Variants in CUX1 observed in about 807,000 individuals in gnomAD.
CUX1 encodes the protein protein CASP.
CUX1 carries 31 observed loss-of-function variants against 158.8 expected under a neutral mutation model. The observed-to-expected ratio is 0.20, with a 90% CI of 0.15 to 0.26. The LOEUF (loss-of-function observed/expected upper bound fraction) is 0.26, where lower values mean the gene tolerates loss of function less well. Ranked by LOEUF, CUX1 falls within the 10% of genes least tolerant of loss-of-function variation. The probability of loss-of-function intolerance (pLI) is 1.00; values close to 1 mark genes in which losing one functional copy is unlikely to be tolerated. For synonymous variants in CUX1, 879 were observed against 862.1 expected, an observed-to-expected ratio of 1.02 and a Z score of -0.34; for missense variants, 1,589 against 2,014.6, an observed-to-expected ratio of 0.79 and a Z score of 4.04.
At chr7:101,949,815 A>G (rs1199265849) in intron 2 of CUX1, among the ~76,000 whole-genome samples, 1 of 150,710 alleles carries the variant, frequency 6.6e-6, no homozygotes, top group Non-Finnish European at 1.5e-5. Flanking sequence ...TACAGGCATG[A>G]GCCACCACGC....
Position 102,253,235 on chromosome 7 carries a change from C to T in CUX1, c.*4193C>T, listed in dbSNP as rs1050845833. 14 of 985,394 alleles carry T rather than the reference C, an allele frequency of 1.4e-5. No individual in the cohort carries two copies. The highest frequency in any genetic ancestry group is 1.3e-5 in the Non-Finnish European group (11 of 830,008). 61.0% of individuals were successfully genotyped at this position (985,394 alleles called of 1,614,324 possible). Reference sequence around the variant, plus strand: ...CAGCAGAGCTCTGGGTTAAATATTCCTTTCTGGCCACCGCCCAAGCCCAGG... The same window carrying T: ...CAGCAGAGCTCTGGGTTAAATATTCTTTTCTGGCCACCGCCCAAGCCCAGG... On this transcript the variant is annotated 3_prime_UTR_variant, in exon 24 of 24. Transcript: ENST00000292535.
intron 9 of CUX1, among the ~76,000 whole-genome samples, chr7:102,160,938 C>T (rs371577237): frequency 1.3e-5 from 2 of 152,194 alleles, no homozygotes; most frequent in African/African-American, 4.8e-5. Flanking sequence ...TTATGCTTTG[C>T]GTAGTTTGCC....
Position 101,840,004 on chromosome 7 carries a change from C to T in CUX1, c.30+22335C>T, listed in dbSNP as rs71559431. Among the ~76,000 whole-genome samples, 341 of 152,260 alleles carry T rather than the reference C, an allele frequency of 2.2e-3. 2 individuals are homozygous for T. Among genetic ancestry groups the T allele is most frequent in the Middle Eastern group, 3.4e-3 (1 of 294 alleles). On this transcript the variant is annotated intron_variant, in intron 1 of 23. Coordinates refer to ENST00000292535, the MANE Select transcript of CUX1 (RefSeq NM_181552.4). ...CTCAAACTCCTGACCTCAGGTGATC[C>T]GTCTGCCTCGGCCTCTCAAAGTGCT...
intron 1 of CUX1, among the ~76,000 whole-genome samples, chr7:101,871,142 G>GC (rs1798478726): frequency 6.6e-6 from 1 of 152,092 alleles, no homozygotes; most frequent in African/African-American, 2.4e-5. Flanking sequence ...TTTACTGTGT[G>GC]ATCCTAGCAT....
In CUX1 at chr7:102,249,068, C is replaced by A; in HGVS notation, c.*26C>A. ...GGGGCCGCGGCCCTGGGGCGGGCAG[C>A]CAGGCTGGGCCGCAAGGGCCTGGAC... On this transcript the variant is annotated 3_prime_UTR_variant, in exon 24 of 24. Coordinates refer to ENST00000292535, the MANE Select transcript of CUX1 (RefSeq NM_181552.4). The A allele has an allele frequency of 7.9e-7, 1 of 1,259,926 alleles. No individual in the cohort carries two copies. The highest frequency in any genetic ancestry group is 4.0e-5 in the Admixed American group (1 of 24,924). The allele number at this position is 1,259,926 out of a possible 1,614,324, so 78.0% of individuals were successfully genotyped here.
chr7:101,933,805 A>C (rs553440001), intron 2 of CUX1, among the ~76,000 whole-genome samples: 3 of 152,218 alleles, frequency 2.0e-5, no homozygotes, highest in Non-Finnish European at 4.4e-5. Context: ...GAGACTTTCT[A>C]ATTTTTAACC....
intron 2 of CUX1, among the ~76,000 whole-genome samples, chr7:101,955,993 T>A (rs1325422077): frequency 1.3e-5 from 2 of 151,850 alleles, no homozygotes; most frequent in Non-Finnish European, 2.9e-5. Flanking sequence ...CCATCCTGGC[T>A]AACACGGTGA....
chr7:102,098,337 T>C (rs1554485048), intron 5 of CUX1, among the ~76,000 whole-genome samples: 3 of 152,200 alleles, frequency 2.0e-5, no homozygotes, highest in African/African-American at 7.2e-5. Flanking sequence ...TGGGGCCACG[T>C]GCGGTGGTTC....
chr7:101,920,498 G>A (rs542333084), intron 2 of CUX1, among the ~76,000 whole-genome samples: 1 of 152,270 alleles, frequency 6.6e-6, no homozygotes, highest in Admixed American at 6.5e-5. Flanking sequence ...CGCTCAAGCA[G>A]GGTCCTCCCA....
intron 1 of CUX1, among the ~76,000 whole-genome samples, chr7:101,891,245 G>A (rs781020593): frequency 6.6e-5 from 10 of 152,046 alleles, no homozygotes; most frequent in Non-Finnish European, 1.5e-4. Flanking sequence ...TTCAGACAGG[G>A]TCTTGCTCTT....
In CUX1 at chr7:101,919,142, C is replaced by T. The variant is rs554977559; in HGVS notation, c.141+2917C>T. The stretch of plus-strand genomic sequence containing the variant: ...AGTGGTGGGAGTCGGGGGCTGTGGC[C>T]GGAGTGTGCTGGGTGTGCAGGAGGC... On this transcript the variant is annotated intron_variant, in intron 2 of 23. Coordinates refer to ENST00000292535, the MANE Select transcript of CUX1 (RefSeq NM_181552.4). Among the ~76,000 whole-genome samples the T allele has an allele frequency of 1.2e-4, 19 of 152,196 alleles. No homozygotes were observed. The East Asian group carries it at 2.9e-3, about 23-fold the overall frequency.
At position 102,163,220 on chromosome 7, in the gene CUX1, C is replaced by T. The variant is rs373326587; in HGVS notation, c.723+4612C>T. On this transcript the variant is annotated intron_variant, in intron 9 of 23. Coordinates refer to ENST00000292535, the MANE Select transcript of CUX1 (RefSeq NM_181552.4). Reference sequence around the variant, plus strand: ...TGCCCAGAGCCAGGCATGGTGGCGGCGGTGCCTATAGTACCGGCAGTTGGA... The same window carrying T: ...TGCCCAGAGCCAGGCATGGTGGCGGTGGTGCCTATAGTACCGGCAGTTGGA... Among the ~76,000 whole-genome samples the T allele has an allele frequency of 2.2e-4, 34 of 152,088 alleles. No homozygotes were observed. The East Asian group carries it at 3.1e-3, about 14-fold the overall frequency.
At chr7:102,036,428 C>T (rs1821426807) in intron 3 of CUX1, among the ~76,000 whole-genome samples, 1 of 151,920 alleles carries the variant, frequency 6.6e-6, no homozygotes, top group African/African-American at 2.4e-5. Context: ...ATAAATAAAC[C>T]AAAGGAACAC....
chr7:101,991,779 C>T (rs541257529), intron 2 of CUX1, among the ~76,000 whole-genome samples: 1 of 142,398 alleles, frequency 7.0e-6, no homozygotes, highest in African/African-American at 2.6e-5. Context: ...AAAAAAAAAT[C>T]AGTTAGTAGC....
intron 4 of CUX1, among the ~76,000 whole-genome samples, chr7:102,077,020 T>G: frequency 1.4e-5 from 2 of 144,542 alleles, no homozygotes. Context: ...GGTGACAGAG[T>G]GGGACCCTGT....
intron 7 of CUX1, among the ~76,000 whole-genome samples, chr7:102,114,110 G>A (rs1018178898): frequency 3.3e-5 from 5 of 152,058 alleles, no homozygotes; most frequent in African/African-American, 4.8e-5. Context: ...GTCCACATGT[G>A]GAAGGACTCC....
chr7:102,180,054 G>A (rs926603356), intron 11 of CUX1, among the ~76,000 whole-genome samples: 2 of 152,080 alleles, frequency 1.3e-5, no homozygotes, highest in Non-Finnish European at 2.9e-5. Context: ...ACGGATTTTC[G>A]CTTTTGTCGC....
At chr7:102,200,561 G>A (rs1489812769) in intron 17 of CUX1, among the ~76,000 whole-genome samples, 4 of 152,030 alleles carry the variant, frequency 2.6e-5, no homozygotes, top group South Asian at 2.1e-4. Context: ...GGCTGGTCTC[G>A]AACTCCTGAC....
At chr7:102,200,260 T>TC in intron 17 of CUX1, 88 bp downstream of exon 17, 1 of 1,086,762 alleles carries the variant, frequency 9.2e-7, no homozygotes. Context: ...TTAACTATTT[T>TC]TTTTTTAAAC....
Sources: gnomAD v4.1 joint callset for allele counts (sites outside exome capture counted in the v4.1 genomes callset) on GRCh38, gnomAD v4.1.1 for gene constraint, MANE v1.5 for transcripts, NCBI Gene and HGNC (gene_info 2026-07-23, HGNC 2026-07-21) for gene names.